FZD2: variants seen among roughly 807,000 people sequenced by gnomAD.
FZD2 encodes the protein frizzled class receptor 2, also known as frizzled-2.
In FZD2, 17 loss-of-function variants were observed where a neutral mutation model predicts 36.7. That is an observed-to-expected ratio of 0.46 (90% CI 0.32 to 0.70). FZD2 has a LOEUF of 0.70. Among genes scored for constraint, FZD2 ranks in the 30% least tolerant of loss-of-function variants. The pLI is 0.04. For synonymous variants in FZD2, 333 were observed against 359.6 expected (o/e 0.93, Z 0.84); for missense variants, 525 against 805.6 (o/e 0.65, Z 4.22).
In FZD2 at chr17:44,557,758, C is replaced by G. The variant is rs1970844053; in HGVS notation, c.70C>G (p.Gln24Glu). Residue 24 changes from glutamine to glutamate, a missense_variant, in exon 1 of 1, where the codon CAG becomes GAG. Gln to Glu is a conservative substitution (Grantham distance 29). Transcript: ENST00000315323. This position sits in a 1 kb window ranked among gnomAD's most constrained non-coding sequence, Gnocchi z 4.9. The part of the protein sequence containing the change: ...LLLLPAAGPA[Q>E]FHGEKGISIP... ...GCTGCTGCCCGCCGCCGGGCCGGCC[C>G]AGTTCCACGGGGAGAAGGGCATCTC... The G allele has an allele frequency of 6.2e-7, 1 of 1,610,928 alleles. No individual in the cohort carries two copies.
Position 44,558,863 on chromosome 17 carries a change from A to G in FZD2, c.1175A>G (p.Gln392Arg). 1 of 1,613,456 alleles carries G rather than the reference A, an allele frequency of 6.2e-7. No homozygotes were observed. Among genetic ancestry groups the G allele is most frequent in the Non-Finnish European group, 8.5e-7 (1 of 1,179,788 alleles). The change falls in exon 1 of 1, where the codon CAG becomes CGG. Residue 392 changes from glutamine (Q) to arginine (R), a missense_variant. Gln to Arg is a conservative substitution (Grantham distance 43). Transcript: ENST00000315323. This position sits in a 1 kb window ranked among gnomAD's most constrained non-coding sequence, Gnocchi z 9.3. ...VKTITILAMG[Q>R]IDGDLLSGVC... ...ACCATCACCATCCTGGCCATGGGCCAGATCGACGGCGACCTGCTGAGCGGC... is the reference window on the plus strand; with the variant it reads ...ACCATCACCATCCTGGCCATGGGCCGGATCGACGGCGACCTGCTGAGCGGC...
In FZD2 at chr17:44,558,103, G is replaced by A. The variant is rs753404467; in HGVS notation, c.415G>A (p.Glu139Lys). Residue 139 changes from glutamate (E) to lysine (K), a missense_variant, in exon 1 of 1, where the codon GAG (glutamate) becomes AAG (lysine). Glu to Lys is a moderately conservative substitution (Grantham distance 56). Coordinates refer to ENST00000315323, the MANE Select transcript of FZD2 (RefSeq NM_001466.4). This position sits in a 1 kb window ranked among gnomAD's most constrained non-coding sequence, Gnocchi z 9.3. ...TCAGTGGCCCGAGCGCCTGCGCTGCGAGCACTTCCCGCGCCACGGCGCCGA... is the reference window on the plus strand; with the variant it reads ...TCAGTGGCCCGAGCGCCTGCGCTGCAAGCACTTCCCGCGCCACGGCGCCGA... ...GFQWPERLRC[E>K]HFPRHGAEQI... 1 of 1,607,582 alleles carries A rather than the reference G, an allele frequency of 6.2e-7. No homozygotes were observed. The highest frequency in any genetic ancestry group is 1.7e-5 in the Admixed American group (1 of 59,992).
chr17:44,558,363 C>T lies in FZD2; in HGVS notation c.675C>T (p.Cys225=). Residue 225 remains cysteine, a synonymous_variant, in exon 1 of 1, where the codon TGC becomes TGT. Transcript: ENST00000315323. This position sits in a 1 kb window ranked among gnomAD's most constrained non-coding sequence, Gnocchi z 9.3. ...FLGERDCAAP[C]EPARPDGSMF... The stretch of plus-strand genomic sequence containing the variant: ...GCGAGCGTGATTGTGCTGCGCCCTG[C>T]GAACCTGCGCGGCCCGATGGTTCCA... 1 of 1,530,114 alleles carries T rather than the reference C, an allele frequency of 6.5e-7. No homozygotes were observed. Among genetic ancestry groups the T allele is most frequent in the Non-Finnish European group, 8.7e-7 (1 of 1,144,846 alleles). 94.8% of individuals were successfully genotyped at this position (1,530,114 alleles called of 1,614,324 possible).
Position 44,558,588 on chromosome 17 carries a change from C to T in FZD2, c.900C>T (p.Leu300=), listed in dbSNP as rs1413956867. 1 of 1,611,156 alleles carries T rather than the reference C, an allele frequency of 6.2e-7. No homozygotes were observed. The highest frequency in any genetic ancestry group is 2.2e-5 in the East Asian group (1 of 44,834). Residue 300 remains leucine (L), a synonymous_variant, in exon 1 of 1, where the codon CTC becomes CTT. Coordinates refer to ENST00000315323, the MANE Select transcript of FZD2 (RefSeq NM_001466.4). The surrounding 1 kb of genome is among the most constrained non-coding windows in gnomAD (Gnocchi z 9.3). ...VSVAYIAGFV[L]QERVVCNERF... is the part of the protein sequence containing the mutation. ...TGGCCTACATCGCGGGCTTCGTGCT[C>T]CAGGAGCGCGTGGTGTGCAACGAGC...
rs1409871393 is a variant in FZD2, at chr17:44,561,112, A to C, written c.*1726A>C. On this transcript the variant is annotated 3_prime_UTR_variant, in exon 1 of 1. Transcript: ENST00000315323. ...GTTTCCAACACATATTATTTCCCTC[A>C]ACTATTTGGAATATTTTAGAATTTT... Among the ~76,000 whole-genome samples, 1 of 152,270 alleles carries C rather than the reference A, an allele frequency of 6.6e-6. No individual in the cohort carries two copies. The highest frequency in any genetic ancestry group is 2.4e-5 in the African/African-American group (1 of 41,558).
rs1970858902 is a variant in FZD2 at position 44,559,046 on chromosome 17, A to C, written c.1358A>C (p.Glu453Ala). ...ATGAAGCACGACGGCACCAAGACCG[A>C]AAAGCTGGAGCGGCTCATGGTGCGC... is the stretch of plus-strand genomic sequence containing the variant. ...TIMKHDGTKT[E>A]KLERLMVRIG... is the part of the protein sequence containing the mutation. The change falls in exon 1 of 1, where the codon GAA becomes GCA. Residue 453 changes from glutamate to alanine, a missense_variant. By Grantham distance (107) the Glu-to-Ala change is moderately radical. Coordinates refer to ENST00000315323, the MANE Select transcript of FZD2 (RefSeq NM_001466.4). The surrounding 1 kb of genome is among the most constrained non-coding windows in gnomAD (Gnocchi z 4.4). The C allele has an allele frequency of 6.2e-7, 1 of 1,613,898 alleles. No individual in the cohort carries two copies. Among genetic ancestry groups the C allele is most frequent in the Admixed American group, 1.7e-5 (1 of 60,000 alleles).
In FZD2 at chr17:44,557,766, C is replaced by T; in HGVS notation, c.78C>T (p.His26=). The T allele has an allele frequency of 1.2e-6, 2 of 1,612,558 alleles. No individual in the cohort carries two copies. Among genetic ancestry groups the T allele is most frequent in the South Asian group, 2.2e-5 (2 of 91,012 alleles). The change falls in exon 1 of 1, where the codon CAC becomes CAT. Residue 26 remains histidine, a synonymous_variant. Transcript: ENST00000315323. The surrounding 1 kb of genome is among the most constrained non-coding windows in gnomAD (Gnocchi z 4.9). ...CCGCCGCCGGGCCGGCCCAGTTCCA[C>T]GGGGAGAAGGGCATCTCCATCCCGG... The part of the protein sequence containing the change: ...LLPAAGPAQF[H]GEKGISIPDH...
chr17:44,560,790 T>C lies in FZD2; in HGVS notation c.*1404T>C, dbSNP rs1970879731. ...CCCAGGCTGGAGTGCAGTGGTGCGA[T>C]CTTGGCTCACTGCAACCTCCACTGC... On this transcript the variant is annotated 3_prime_UTR_variant, in exon 1 of 1. Coordinates refer to ENST00000315323, the MANE Select transcript of FZD2 (RefSeq NM_001466.4). Among the ~76,000 whole-genome samples the C allele has an allele frequency of 6.6e-6, 1 of 152,226 alleles. No individual in the cohort carries two copies. The highest frequency in any genetic ancestry group is 1.5e-5 in the Non-Finnish European group (1 of 68,046).
Position 44,557,992 on chromosome 17 carries a change from G to A in FZD2, c.304G>A (p.Val102Met). The change falls in exon 1 of 1, where the codon GTG becomes ATG. Residue 102 changes from valine (V) to methionine (M), a missense_variant. By Grantham distance (21) the Val-to-Met change is conservative (BLOSUM62 1). This residue lies in a region of FZD2 where 257 missense variants were observed against 344.4 expected (regional missense o/e 0.75). Coordinates refer to ENST00000315323, the MANE Select transcript of FZD2 (RefSeq NM_001466.4). This position sits in a 1 kb window ranked among gnomAD's most constrained non-coding sequence, Gnocchi z 4.9. Reference sequence around the variant, plus strand: ...CTCCATGTACGCACCCGTGTGCACCGTGCTGGAACAGGCCATCCCGCCGTG... The same window carrying A: ...CTCCATGTACGCACCCGTGTGCACCATGCTGGAACAGGCCATCCCGCCGTG... ...LCSMYAPVCT[V>M]LEQAIPPCRS... is the part of the protein sequence containing the mutation. 6.2e-7 allele frequency: 1 copy of A among 1,613,974 alleles called. No homozygotes were observed. The highest frequency in any genetic ancestry group is 8.5e-7 in the Non-Finnish European group (1 of 1,179,998).
chr17:44,559,194 G>A lies in FZD2; in HGVS notation c.1506G>A (p.Leu502=). The A allele has an allele frequency of 6.2e-7, 1 of 1,613,964 alleles. No homozygotes were observed. Among genetic ancestry groups the A allele is most frequent in the South Asian group, 1.1e-5 (1 of 91,084 alleles). The change falls in exon 1 of 1, where the codon CTG becomes CTA. Residue 502 remains leucine (L), a synonymous_variant. Transcript: ENST00000315323. The surrounding 1 kb of genome is among the most constrained non-coding windows in gnomAD (Gnocchi z 4.4). ...RSWVSQHCKS[L]AIPCPAHYTP... Reference sequence around the variant, plus strand: ...GGGTGAGCCAGCACTGCAAGAGCCTGGCCATCCCGTGCCCGGCGCACTACA... The same window carrying A: ...GGGTGAGCCAGCACTGCAAGAGCCTAGCCATCCCGTGCCCGGCGCACTACA...
In FZD2 at chr17:44,559,528, C is replaced by T. The variant is rs1462954644; in HGVS notation, c.*142C>T. ...TTGCTTTTTAAAAGAGAACTCTCTG[C>T]CCAACACCCCCACAAGGTTTGTAAT... On this transcript the variant is annotated 3_prime_UTR_variant, in exon 1 of 1. Coordinates refer to ENST00000315323, the MANE Select transcript of FZD2 (RefSeq NM_001466.4). This position sits in a 1 kb window ranked among gnomAD's most constrained non-coding sequence, Gnocchi z 4.4. 1 of 1,075,250 alleles carries T rather than the reference C, an allele frequency of 9.3e-7. No homozygotes were observed. The highest frequency in any genetic ancestry group is 1.3e-6 in the Non-Finnish European group (1 of 792,922). The allele number at this position is 1,075,250 out of a possible 1,614,324, so 66.6% of individuals were successfully genotyped here.
At position 44,558,039 on chromosome 17, in the gene FZD2, G is replaced by A. The variant is rs769017965; in HGVS notation, c.351G>A (p.Ala117=). Residue 117 remains alanine (A), a synonymous_variant, in exon 1 of 1, where the codon GCG becomes GCA. Transcript: ENST00000315323. The surrounding 1 kb of genome is among the most constrained non-coding windows in gnomAD (Gnocchi z 9.3). ...IPPCRSICER[A]RQGCEALMNK... ...CGTGCCGCTCTATCTGTGAGCGCGC[G>A]CGCCAGGGCTGCGAAGCCCTCATGA... 6.2e-7 allele frequency: 1 copy of A among 1,612,798 alleles called. No homozygotes were observed. The highest frequency in any genetic ancestry group is 1.7e-5 in the Admixed American group (1 of 60,032).
Position 44,558,858 on chromosome 17 carries a change from G to A in FZD2, c.1170G>A (p.Met390Ile), listed in dbSNP as rs767602533. 1 of 1,613,380 alleles carries A rather than the reference G, an allele frequency of 6.2e-7. No individual in the cohort carries two copies. The highest frequency in any genetic ancestry group is 1.3e-5 in the African/African-American group (1 of 74,950). Residue 390 changes from methionine (M) to isoleucine (I), a missense_variant, in exon 1 of 1, where the codon ATG (methionine) becomes ATA (isoleucine). By Grantham distance (10) the Met-to-Ile change is conservative. Coordinates refer to ENST00000315323, the MANE Select transcript of FZD2 (RefSeq NM_001466.4). This position sits in a 1 kb window ranked among gnomAD's most constrained non-coding sequence, Gnocchi z 9.3. ...TCAAGACCATCACCATCCTGGCCATGGGCCAGATCGACGGCGACCTGCTGA... is the reference window on the plus strand; with the variant it reads ...TCAAGACCATCACCATCCTGGCCATAGGCCAGATCGACGGCGACCTGCTGA... ...PAVKTITILA[M>I]GQIDGDLLSG...
In FZD2 at chr17:44,559,228, A is replaced by G. The variant is rs1183159973; in HGVS notation, c.1540A>G (p.Met514Val). The stretch of plus-strand genomic sequence containing the variant: ...GTGCCCGGCGCACTACACGCCGCGC[A>G]TGTCGCCCGACTTCACGGTCTACAT... Reference protein sequence around the residue: ...IPCPAHYTPRMSPDFTVYMIK... With the variant: ...IPCPAHYTPRVSPDFTVYMIK... Residue 514 changes from methionine to valine, a missense_variant, in exon 1 of 1, where the codon ATG (methionine) becomes GTG (valine). Met to Val is a conservative substitution (Grantham distance 21). Transcript: ENST00000315323. This position sits in a 1 kb window ranked among gnomAD's most constrained non-coding sequence, Gnocchi z 4.4. 2 of 1,613,948 alleles carry G rather than the reference A, an allele frequency of 1.2e-6. No homozygotes were observed. Among genetic ancestry groups the G allele is most frequent in the East Asian group, 4.5e-5 (2 of 44,888 alleles).
In FZD2 at chr17:44,558,054, A is replaced by G; in HGVS notation, c.366A>G (p.Glu122=). The change falls in exon 1 of 1, where the codon GAA becomes GAG. Residue 122 remains glutamate (E), a synonymous_variant. Transcript: ENST00000315323. The surrounding 1 kb of genome is among the most constrained non-coding windows in gnomAD (Gnocchi z 9.3). ...SICERARQGC[E]ALMNKFGFQW... ...GTGAGCGCGCGCGCCAGGGCTGCGA[A>G]GCCCTCATGAACAAGTTCGGTTTTC... is the stretch of plus-strand genomic sequence containing the variant. The G allele has an allele frequency of 6.2e-7, 1 of 1,611,614 alleles. No homozygotes were observed. The highest frequency in any genetic ancestry group is 8.5e-7 in the Non-Finnish European group (1 of 1,179,966).
At position 44,559,341 on chromosome 17, in the gene FZD2, C is replaced by A. The variant is rs1970862322; in HGVS notation, c.1653C>A (p.Phe551Leu). ...SGKTLHSWRKFYTRLTNSRHG... is the reference protein window; with the variant it reads ...SGKTLHSWRKLYTRLTNSRHG... ...AGACGCTGCACTCGTGGAGGAAGTT[C>A]TACACTCGCCTCACCAACAGCCGAC... Residue 551 changes from phenylalanine (F) to leucine (L), a missense_variant, in exon 1 of 1, where the codon TTC becomes TTA. Transcript: ENST00000315323. This position sits in a 1 kb window ranked among gnomAD's most constrained non-coding sequence, Gnocchi z 4.4. 1.2e-6 allele frequency: 2 copies of A among 1,612,048 alleles called. No individual in the cohort carries two copies. The highest frequency in any genetic ancestry group is 8.5e-7 in the Non-Finnish European group (1 of 1,179,118).
In FZD2 at chr17:44,558,057, C is replaced by G. The variant is rs1970847214; in HGVS notation, c.369C>G (p.Ala123=). ...AGCGCGCGCGCCAGGGCTGCGAAGC[C>G]CTCATGAACAAGTTCGGTTTTCAGT... is the stretch of plus-strand genomic sequence containing the variant. ...ICERARQGCE[A]LMNKFGFQWP... The change falls in exon 1 of 1, where the codon GCC becomes GCG. Residue 123 remains alanine (A), a synonymous_variant. Coordinates refer to ENST00000315323, the MANE Select transcript of FZD2 (RefSeq NM_001466.4). This position sits in a 1 kb window ranked among gnomAD's most constrained non-coding sequence, Gnocchi z 9.3. The G allele has an allele frequency of 6.2e-7, 1 of 1,611,502 alleles. No individual in the cohort carries two copies.
Position 44,559,364 on chromosome 17 carries a change from G to T in FZD2, c.1676G>T (p.Arg559Leu), listed in dbSNP as rs753511101. 14 of 1,605,914 alleles carry T rather than the reference G, an allele frequency of 8.7e-6. No homozygotes were observed. The highest frequency in any genetic ancestry group is 1.2e-5 in the Non-Finnish European group (14 of 1,175,800). The change falls in exon 1 of 1, where the codon CGA (arginine) becomes CTA (leucine). Residue 559 changes from arginine to leucine, a missense_variant. Physicochemically the swap from Arg to Leu is moderately radical, Grantham distance 102. This residue lies in a region of FZD2 where 189 missense variants were observed against 298.1 expected (regional missense o/e 0.63). Transcript: ENST00000315323. This position sits in a 1 kb window ranked among gnomAD's most constrained non-coding sequence, Gnocchi z 4.4. The part of the protein sequence containing the change: ...RKFYTRLTNS[R>L]HGETTV ...TTCTACACTCGCCTCACCAACAGCC[G>T]ACACGGTGAGACCACCGTGTGAGGG...
chr17:44,558,051 C>T lies in FZD2; in HGVS notation c.363C>T (p.Cys121=). ...RSICERARQG[C]EALMNKFGFQ... ...TCTGTGAGCGCGCGCGCCAGGGCTG[C>T]GAAGCCCTCATGAACAAGTTCGGTT... The change falls in exon 1 of 1, where the codon TGC becomes TGT. Residue 121 remains cysteine (C), a synonymous_variant. Transcript: ENST00000315323. The surrounding 1 kb of genome is among the most constrained non-coding windows in gnomAD (Gnocchi z 9.3). 2 of 1,611,934 alleles carry T rather than the reference C, an allele frequency of 1.2e-6. No individual in the cohort carries two copies. The highest frequency in any genetic ancestry group is 1.7e-6 in the Non-Finnish European group (2 of 1,179,982).
Sources: allele counts gnomAD v4.1 joint callset (sites outside exome capture counted in the v4.1 genomes callset), GRCh38; gene constraint gnomAD v4.1.1; regional missense constraint gnomAD v4.1.1; non-coding constraint Gnocchi (gnomAD v3.1); transcripts MANE v1.5; gene names NCBI Gene and HGNC (gene_info 2026-07-23, HGNC 2026-07-21).